Variants in MGLL observed in about 807,000 individuals in gnomAD.
The protein encoded by MGLL is lysophospholipase homolog.
A neutral mutation model predicts 29.1 loss-of-function variants in MGLL; 7 were observed. That is an observed-to-expected ratio of 0.24 (90% CI 0.14 to 0.45). The LOEUF (loss-of-function observed/expected upper bound fraction) is 0.45, where lower values mean the gene tolerates loss of function less well. Among genes scored for constraint, MGLL ranks in the 20% least tolerant of loss-of-function variants. The pLI is 0.99. For synonymous variants in MGLL, 148 were observed against 168.3 expected (o/e 0.88, Z 0.93); for missense variants, 356 against 413.6 (o/e 0.86, Z 1.21).
At chr3:127,737,395 G>A (rs955892331) in intron 3 of MGLL, among the ~76,000 whole-genome samples, 1 of 151,230 alleles carries the variant, frequency 6.6e-6, no homozygotes, top group Non-Finnish European at 1.5e-5. Context: ...ACAAGCCCAC[G>A]TCAGAAGGTG....
At chr3:127,749,186 C>T (rs560174030) in intron 3 of MGLL, among the ~76,000 whole-genome samples, 15 of 152,334 alleles carry the variant, frequency 9.8e-5, no homozygotes, top group South Asian at 2.1e-4. Flanking sequence ...CAGGGCCTGG[C>T]GTGCCGCAGA....
chr3:127,796,801 T>C (rs2077389789), intron 2 of MGLL, among the ~76,000 whole-genome samples: 1 of 152,074 alleles, frequency 6.6e-6, no homozygotes, highest in Admixed American at 6.5e-5. Context: ...AACTAGAAAA[T>C]TACAAGCCAC....
In MGLL at chr3:127,761,538, C is replaced by G. The variant is rs1204188878; in HGVS notation, c.262+20251G>C. 1.3e-5 allele frequency among the ~76,000 whole-genome samples: 2 copies of G among 152,242 alleles called. No individual in the cohort carries two copies. The highest frequency in any genetic ancestry group is 4.8e-5 in the African/African-American group (2 of 41,460). On this transcript the variant is annotated intron_variant, in intron 3 of 7. Coordinates refer to ENST00000265052, the MANE Select transcript of MGLL (RefSeq NM_007283.7). The surrounding 1 kb of genome is among the most constrained non-coding windows in gnomAD (Gnocchi z 4.6). Reference sequence around the variant, plus strand: ...TGCCTGGACCAGAGACTGCAAACTGCCCTTCAAGCTGCATTTCAAGTGCCT... The same window carrying G: ...TGCCTGGACCAGAGACTGCAAACTGGCCTTCAAGCTGCATTTCAAGTGCCT...
chr3:127,797,412 C>T (rs995135071), intron 2 of MGLL, among the ~76,000 whole-genome samples: 17 of 152,044 alleles, frequency 1.1e-4, no homozygotes, highest in Admixed American at 5.2e-4. Context: ...AGTCTTGCTC[C>T]GCATGCAGCC....
intron 4 of MGLL, among the ~76,000 whole-genome samples, chr3:127,721,374 A>G (rs1022794977): frequency 1.3e-5 from 2 of 152,210 alleles, no homozygotes; most frequent in African/African-American, 4.8e-5. Context: ...TTCCAAGAGC[A>G]AACATTTCAG....
intron 2 of MGLL, among the ~76,000 whole-genome samples, chr3:127,811,383 T>A (rs544262207): frequency 6.6e-6 from 1 of 152,224 alleles, no homozygotes; most frequent in Admixed American, 6.5e-5. Context: ...CCCAGAGTTA[T>A]AGCAAAAGAA....
chr3:127,803,719 T>C (rs1438803842), intron 2 of MGLL, among the ~76,000 whole-genome samples: 1 of 152,144 alleles, frequency 6.6e-6, no homozygotes, highest in Non-Finnish European at 1.5e-5. Context: ...CCACAGCTGG[T>C]TGTGCCTGGG....
At chr3:127,796,746 G>T (rs1420719562) in intron 2 of MGLL, among the ~76,000 whole-genome samples, 1 of 152,126 alleles carries the variant, frequency 6.6e-6, no homozygotes, top group Non-Finnish European at 1.5e-5. Context: ...CTCTCCCAGC[G>T]TAAGGATAAT....
At chr3:127,743,751 T>G (rs979806185) in intron 3 of MGLL, among the ~76,000 whole-genome samples, 1 of 152,112 alleles carries the variant, frequency 6.6e-6, no homozygotes, top group African/African-American at 2.4e-5. Context: ...ACAGGGGCTC[T>G]GCTTTTCTCG....
intron 6 of MGLL, among the ~76,000 whole-genome samples, chr3:127,698,985 C>T (rs6768816): frequency 0.052 from 7,858 of 152,298 alleles, 678 homozygotes; most frequent in African/African-American, 0.18. Context: ...GTGACCACCC[C>T]CACCATGGCT....
At chr3:127,816,081 T>C (rs545491933) in intron 2 of MGLL, among the ~76,000 whole-genome samples, 14 of 152,244 alleles carry the variant, frequency 9.2e-5, no homozygotes, top group African/African-American at 3.4e-4. Flanking sequence ...GGGTTCAAAA[T>C]GGCCACTTGA....
Position 127,742,325 on chromosome 3 carries a change from C to T in MGLL, c.263-19759G>A, listed in dbSNP as rs1214105948. ...AGAAGGCAGGCCAGGCGCAGTGGCT[C>T]ATGCCTGTAACCTCAGCACTTTGGG... On this transcript the variant is annotated intron_variant, in intron 3 of 7. Transcript: ENST00000265052. Among the ~76,000 whole-genome samples the T allele has an allele frequency of 3.9e-5, 6 of 152,096 alleles. No individual in the cohort carries two copies. In the East Asian group the frequency reaches 9.6e-4, roughly 24 times the overall value.
chr3:127,784,401 A>G (rs2077179071), intron 2 of MGLL, among the ~76,000 whole-genome samples: 1 of 152,210 alleles, frequency 6.6e-6, no homozygotes, highest in African/African-American at 2.4e-5. Flanking sequence ...GGTGCTGCTC[A>G]GAGGCTAAGT....
chr3:127,775,371 C>G (rs550781408), intron 3 of MGLL, among the ~76,000 whole-genome samples: 2 of 152,266 alleles, frequency 1.3e-5, no homozygotes, highest in Non-Finnish European at 2.9e-5. Context: ...ATAAAATAAA[C>G]CTATGGCAGT....
At chr3:127,747,196 G>A (rs903555582) in intron 3 of MGLL, among the ~76,000 whole-genome samples, 1 of 152,122 alleles carries the variant, frequency 6.6e-6, no homozygotes, top group African/African-American at 2.4e-5. Context: ...GGACTCAGGG[G>A]AAGTGACCCA....
rs751531556 is a variant in MGLL at position 127,722,481 on chromosome 3, G to A, written c.348C>T (p.Ser116=). 6.2e-7 allele frequency: 1 copy of A among 1,614,106 alleles called. No individual in the cohort carries two copies. The highest frequency in any genetic ancestry group is 1.7e-5 in the Admixed American group (1 of 60,012). Residue 116 remains serine, a synonymous_variant, in exon 4 of 8, where the codon TCC becomes TCT. Transcript: ENST00000265052. The stretch of plus-strand genomic sequence containing the variant: ...GAAGCCCAGGGTAGTCTTTCTGCAT[G>A]GAATCCACATGCTGCAACACATCCC... The part of the protein sequence containing the change: ...FVRDVLQHVD[S]MQKDYPGLPV...
chr3:127,757,772 G>A (rs984955334), intron 3 of MGLL, among the ~76,000 whole-genome samples: 6 of 152,194 alleles, frequency 3.9e-5, no homozygotes, highest in South Asian at 2.1e-4. Flanking sequence ...GGGTAGATCC[G>A]AATCCAAGCT....
At chr3:127,712,276 G>A (rs1346836834) in intron 5 of MGLL, 2 of 152,250 alleles carry the variant, frequency 1.3e-5, no homozygotes, top group Non-Finnish European at 2.9e-5. Flanking sequence ...TGTTCTTTTG[G>A]GGGACAAGAT....
At chr3:127,754,087 G>A (rs756763132) in intron 3 of MGLL, among the ~76,000 whole-genome samples, 9 of 152,186 alleles carry the variant, frequency 5.9e-5, no homozygotes, top group Non-Finnish European at 1.3e-4. Flanking sequence ...TGGCCCGCTG[G>A]GGCCTGATGC....
Sources: gnomAD v4.1 joint callset for allele counts (sites outside exome capture counted in the v4.1 genomes callset) on GRCh38, gnomAD v4.1.1 for gene constraint, Gnocchi (gnomAD v3.1) non-coding constraint, MANE v1.5 for transcripts, NCBI Gene and HGNC (gene_info 2026-07-23, HGNC 2026-07-21) for gene names.